The following NAALADL2 variants were observed in gnomAD, a reference collection of about 807,000 sequenced individuals.
The protein encoded by NAALADL2 is N-acetylated alpha-linked acidic dipeptidase like 2, also known as inactive N-acetylated-alpha-linked acidic dipeptidase-like protein 2.
NAALADL2 carries 76 observed loss-of-function variants against 87.2 expected under a neutral mutation model. The observed-to-expected ratio is 0.87, with a 90% CI of 0.72 to 1.05. The LOEUF is 1.05. Ranked by LOEUF, NAALADL2 falls within the 50% of genes least tolerant of loss-of-function variation. The pLI is 0.00. For missense variants in NAALADL2, 1,089 were observed against 945.8 expected (o/e 1.15, Z -1.99); for synonymous variants, 354 against 331.0 (o/e 1.07, Z -0.75).
At chr3:175,519,658 G>A (rs1466012104) in intron 9 of NAALADL2, among the ~76,000 whole-genome samples, 2 of 151,974 alleles carry the variant, frequency 1.3e-5, no homozygotes, top group East Asian at 3.9e-4. Context: ...AAATCCAAAT[G>A]GTTAGAATGA....
At chr3:174,819,775 C>A (rs1721226399) in intron 3 of NAALADL2, among the ~76,000 whole-genome samples, 1 of 152,154 alleles carries the variant, frequency 6.6e-6, no homozygotes, top group Non-Finnish European at 1.5e-5. Flanking sequence ...AAATAATCAT[C>A]CACCAGAGGT....
At chr3:175,315,857 C>T (rs73184759) in intron 4 of NAALADL2, among the ~76,000 whole-genome samples, 21,118 of 152,050 alleles carry the variant, frequency 0.14, 1,543 homozygotes, top group Admixed American at 0.17. Flanking sequence ...CATCATAACA[C>T]TATTTTAAGG....
intron 1 of NAALADL2, among the ~76,000 whole-genome samples, chr3:175,038,865 G>A (rs950128308): frequency 6.6e-6 from 1 of 152,018 alleles, no homozygotes; most frequent in Non-Finnish European, 1.5e-5. Context: ...GTGAAAGAGG[G>A]TGCTATTAAT....
At chr3:174,450,689 G>A (rs955185134) in intron 1 of NAALADL2, among the ~76,000 whole-genome samples, 28 of 152,040 alleles carry the variant, frequency 1.8e-4, no homozygotes, top group African/African-American at 5.5e-4. Flanking sequence ...GGCCAACATG[G>A]TGAAACCCCG....
intron 10 of NAALADL2, among the ~76,000 whole-genome samples, chr3:175,619,285 A>G (rs1451904541): frequency 6.6e-6 from 1 of 151,128 alleles, no homozygotes; most frequent in African/African-American, 2.4e-5. Context: ...AAAGAAAGAA[A>G]GAAGGAAGGA....
chr3:174,996,792 A>G (rs2108743501), intron 1 of NAALADL2, among the ~76,000 whole-genome samples: 1 of 152,040 alleles, frequency 6.6e-6, no homozygotes, highest in East Asian at 1.9e-4. Flanking sequence ...ACCCCCTCCT[A>G]ACTTTTCCCT....
chr3:175,683,573 T>C (rs1279862104), intron 11 of NAALADL2, among the ~76,000 whole-genome samples: 1 of 151,974 alleles, frequency 6.6e-6, no homozygotes, highest in African/African-American at 2.4e-5. Flanking sequence ...GTTACTGATA[T>C]ATACAAGTTT....
intron 9 of NAALADL2, among the ~76,000 whole-genome samples, chr3:175,531,836 C>G (rs1250792049): frequency 6.6e-6 from 1 of 152,348 alleles, no homozygotes; most frequent in Non-Finnish European, 1.5e-5. Context: ...CAAGATCCAT[C>G]TGTCTTCTGC....
chr3:174,884,484 C>T (rs1271607852), intron 1 of NAALADL2, among the ~76,000 whole-genome samples: 1 of 152,106 alleles, frequency 6.6e-6, no homozygotes, highest in Non-Finnish European at 1.5e-5. Context: ...ACTTCTTTAG[C>T]TGTAAAGTGG....
At chr3:175,055,317 A>T (rs1711902378) in intron 1 of NAALADL2, among the ~76,000 whole-genome samples, 1 of 152,154 alleles carries the variant, frequency 6.6e-6, no homozygotes, top group South Asian at 2.1e-4. Context: ...GAATTTCCCC[A>T]TTGTAATCTG....
intron 5 of NAALADL2, among the ~76,000 whole-genome samples, chr3:175,361,616 A>G (rs1436101085): frequency 1.3e-5 from 2 of 148,466 alleles, no homozygotes; most frequent in Non-Finnish European, 3.0e-5. Context: ...TCTGATGGCC[A>G]GTGATGATGA....
At chr3:175,622,800 G>A (rs1726412709) in intron 10 of NAALADL2, among the ~76,000 whole-genome samples, 1 of 152,056 alleles carries the variant, frequency 6.6e-6, no homozygotes, top group African/African-American at 2.4e-5. Context: ...GTGTATTAAA[G>A]CATCACATAA....
At chr3:174,898,082 C>T (rs1379875962) in intron 1 of NAALADL2, among the ~76,000 whole-genome samples, 5 of 97,664 alleles carry the variant, frequency 5.1e-5, no homozygotes, top group Middle Eastern at 0.01. Flanking sequence ...CACTGCACTC[C>T]AGCCTGGGTG....
At chr3:174,506,916 C>T (rs944753778) in intron 1 of NAALADL2, among the ~76,000 whole-genome samples, 2 of 151,678 alleles carry the variant, frequency 1.3e-5, no homozygotes, top group Non-Finnish European at 2.9e-5. Context: ...GTAATAACTC[C>T]TTGTATTTAT....
chr3:174,940,487 T>G (rs1176819804), intron 1 of NAALADL2, among the ~76,000 whole-genome samples: 2 of 152,164 alleles, frequency 1.3e-5, no homozygotes. Flanking sequence ...TCATTTTGTC[T>G]CTGCCAGTAT....
intron 2 of NAALADL2, among the ~76,000 whole-genome samples, chr3:174,700,024 A>G (rs1201571026): frequency 6.6e-6 from 1 of 151,822 alleles, no homozygotes; most frequent in Admixed American, 6.6e-5. Context: ...TTGTCTTTCC[A>G]GACTAGTTAC....
At chr3:174,900,873 T>G (rs1254882428) in intron 1 of NAALADL2, among the ~76,000 whole-genome samples, 2 of 152,076 alleles carry the variant, frequency 1.3e-5, no homozygotes, top group Non-Finnish European at 2.9e-5. Context: ...TCAGTAAGCT[T>G]CTTTAGAGTT....
chr3:175,113,759 T>C (rs569735270), intron 2 of NAALADL2, among the ~76,000 whole-genome samples: 1 of 151,586 alleles, frequency 6.6e-6, no homozygotes, highest in Non-Finnish European at 1.5e-5. Context: ...ATCCCCAATT[T>C]TTTTTATGCT....
chr3:175,341,248 T>C (rs536898172), intron 5 of NAALADL2, among the ~76,000 whole-genome samples: 3 of 152,160 alleles, frequency 2.0e-5, no homozygotes, highest in Non-Finnish European at 4.4e-5. Flanking sequence ...AATGGAATCA[T>C]ACAATGTGTG....
Sources: gnomAD v4.1 joint callset for allele counts (sites outside exome capture counted in the v4.1 genomes callset) on GRCh38, gnomAD v4.1.1 for gene constraint, MANE v1.5 for transcripts, NCBI Gene and HGNC (gene_info 2026-07-23, HGNC 2026-07-21) for gene names.